RPTOR: variants seen among roughly 807,000 people sequenced by gnomAD.
RPTOR encodes the protein regulatory associated protein of MTOR complex 1.
RPTOR carries 21 observed loss-of-function variants against 169.9 expected under a neutral mutation model. The ratio of observed to expected loss-of-function variants is 0.12; its 90% CI spans 0.09 to 0.18. The LOEUF is 0.18. Among genes scored for constraint, RPTOR ranks in the 10% least tolerant of loss-of-function variants. RPTOR has a pLI of 1.00. For missense variants in RPTOR, 1,133 were observed against 1,855.9 expected (o/e 0.61, Z 7.16); for synonymous variants, 732 against 753.2 (o/e 0.97, Z 0.46).
At position 80,884,989 on chromosome 17, in the gene RPTOR, AC is replaced by A. The variant is rs753731011; in HGVS notation, c.1843-13del. 9.4e-6 allele frequency: 15 copies of A among 1,601,852 alleles called. No individual in the cohort carries two copies. In the East Asian group the frequency reaches 3.1e-4, roughly 34 times the overall value. On this transcript the variant is annotated intron_variant, in intron 16 of 33. Transcript: ENST00000306801. ...TGGCCCGGTGTGGGACATGCCTGTGACCCCCCGCCGCCTTGCAGGTCCGCTG... is the reference window on the plus strand; with the variant it reads ...TGGCCCGGTGTGGGACATGCCTGTGACCCCCGCCGCCTTGCAGGTCCGCTG...
chr17:80,563,820 G>A (rs996735158), intron 1 of RPTOR, among the ~76,000 whole-genome samples: 3 of 152,052 alleles, frequency 2.0e-5, no homozygotes, highest in African/African-American at 7.2e-5. Flanking sequence ...AAGATCCTCT[G>A]TGCCCCCAGT....
chr17:80,766,167 C>CA, intron 6 of RPTOR, among the ~76,000 whole-genome samples: 2 of 152,248 alleles, frequency 1.3e-5, no homozygotes, highest in East Asian at 3.9e-4. Context: ...GCAATCCCCC[C>CA]ACCTCAGCCC....
chr17:80,567,880 T>C (rs1871084526), intron 1 of RPTOR, among the ~76,000 whole-genome samples: 1 of 151,894 alleles, frequency 6.6e-6, no homozygotes. Context: ...ATATCTCTTA[T>C]ATTAACCCAC....
chr17:80,574,128 G>A (rs2064935871), intron 1 of RPTOR, among the ~76,000 whole-genome samples: 1 of 150,914 alleles, frequency 6.6e-6, no homozygotes, highest in South Asian at 2.1e-4. Flanking sequence ...TCTGATTTAA[G>A]CTTTTAAGAT....
Position 80,583,350 on chromosome 17 carries a change from C to A in RPTOR, c.162+37559C>A, listed in dbSNP as rs959656527. On this transcript the variant is annotated intron_variant, in intron 1 of 33. Coordinates refer to ENST00000306801, the MANE Select transcript of RPTOR (RefSeq NM_020761.3). ...GGATTACAGGTGGGCACCATCATGC[C>A]AGGCTAATTTTTCTACATTTAGTAG... Among the ~76,000 whole-genome samples the A allele has an allele frequency of 2.0e-5, 3 of 152,156 alleles. No homozygotes were observed. In the East Asian group the frequency reaches 5.8e-4, roughly 29 times the overall value.
At chr17:80,930,063 CCTCATCCCCAG>C (rs1273578457) in intron 24 of RPTOR, among the ~76,000 whole-genome samples, 11 of 107,866 alleles carry the variant, frequency 1.0e-4, no homozygotes, top group Non-Finnish European at 1.9e-4. Context: ...TTCAGCTCAT[CCTCATCCCCAG>C]CTCATCCCCA....
At chr17:80,626,413 TA>T (rs567057649) in intron 2 of RPTOR, among the ~76,000 whole-genome samples, 24 of 148,782 alleles carry the variant, frequency 1.6e-4, no homozygotes, top group African/African-American at 3.0e-4. Flanking sequence ...TATGTACACT[TA>T]AAAAAAAAAT....
At position 80,962,815 on chromosome 17, in the gene RPTOR, G is replaced by T. The variant is rs1426787043; in HGVS notation, c.3810-113G>T. 2.0e-6 allele frequency: 3 copies of T among 1,533,990 alleles called. No homozygotes were observed. In the East Asian group the frequency reaches 7.0e-5, roughly 36 times the overall value. Reference sequence around the variant, plus strand: ...GACCAGAGGGTCACACCTGCCCCGAGCCAGCCTGTCCCCGTGGTCTAGCCG... The same window carrying T: ...GACCAGAGGGTCACACCTGCCCCGATCCAGCCTGTCCCCGTGGTCTAGCCG... On this transcript the variant is annotated intron_variant, in intron 32 of 33. Coordinates refer to ENST00000306801, the MANE Select transcript of RPTOR (RefSeq NM_020761.3).
At chr17:80,956,755 G>A (rs907376801) in intron 28 of RPTOR, among the ~76,000 whole-genome samples, 8 of 152,034 alleles carry the variant, frequency 5.3e-5, no homozygotes, top group African/African-American at 7.3e-5. Flanking sequence ...CCTAACAGAC[G>A]TTCCGGGAAG....
At chr17:80,864,464 C>T (rs946386780) in intron 13 of RPTOR, among the ~76,000 whole-genome samples, 4 of 137,798 alleles carry the variant, frequency 2.9e-5, no homozygotes, top group Non-Finnish European at 6.4e-5. Flanking sequence ...ATGGAAAAGG[C>T]AGACAGCGGA....
intron 1 of RPTOR, among the ~76,000 whole-genome samples, chr17:80,560,011 G>A (rs9892100): frequency 0.44 from 67,332 of 152,132 alleles, 15,201 homozygotes; most frequent in Middle Eastern, 0.51. Flanking sequence ...GGCACTGCAC[G>A]TAGGGTGCAT....
intron 26 of RPTOR, among the ~76,000 whole-genome samples, chr17:80,946,556 A>G (rs1356467552): frequency 1.3e-5 from 2 of 152,236 alleles, no homozygotes; most frequent in Admixed American, 6.5e-5. Flanking sequence ...TAGGAGCCTC[A>G]TACCAGTGGA....
At chr17:80,635,822 GTGAA>G (rs1460911010) in intron 2 of RPTOR, among the ~76,000 whole-genome samples, 1 of 152,120 alleles carries the variant, frequency 6.6e-6, no homozygotes, top group African/African-American at 2.4e-5. Flanking sequence ...AGATGAGGTG[GTGAA>G]GCTTGTGGGG....
intron 19 of RPTOR, 109 bp from the exon 20 acceptor site, chr17:80,893,598 G>T (rs2068361282): frequency 3.5e-6 from 5 of 1,410,988 alleles, no homozygotes; most frequent in Non-Finnish European, 4.8e-6. Context: ...GTGCCTGGGT[G>T]TGCTGAGCTT....
intron 13 of RPTOR, among the ~76,000 whole-genome samples, chr17:80,876,681 G>A (rs1370991402): frequency 1.1e-4 from 14 of 129,334 alleles, no homozygotes; most frequent in Admixed American, 3.7e-4. Flanking sequence ...GTCGCCTGCC[G>A]GGTCTTCCAC....
chr17:80,893,554 G>GCGCACCAGGGTGTGTGTGTA (rs2068360401), intron 19 of RPTOR, among the ~76,000 whole-genome samples, 153 bp from the exon 20 acceptor site: 1 of 151,552 alleles, frequency 6.6e-6, no homozygotes, highest in Non-Finnish European at 1.5e-5. Flanking sequence ...CAGGGTGTGT[G>GCGCACCAGGGTGTGTGTGTA]CGCACCAGGG....
Position 80,550,571 on chromosome 17 carries a change from C to A in RPTOR, c.162+4780C>A, listed in dbSNP as rs771619956. Among the ~76,000 whole-genome samples the A allele has an allele frequency of 2.9e-4, 44 of 152,174 alleles. 1 individual carries two copies. Among genetic ancestry groups the A allele is most frequent in the Non-Finnish European group, 2.2e-4 (15 of 68,038 alleles). ...TGGCCTGAAATTTCTGTCTCAGATG[C>A]CTACTGCCTGCTTTTTCTTAGTTTT... is the stretch of plus-strand genomic sequence containing the variant. On this transcript the variant is annotated intron_variant, in intron 1 of 33. Coordinates refer to ENST00000306801, the MANE Select transcript of RPTOR (RefSeq NM_020761.3).
chr17:80,807,296 T>A (rs1413288035), intron 7 of RPTOR, among the ~76,000 whole-genome samples: 1 of 152,244 alleles, frequency 6.6e-6, no homozygotes, highest in Admixed American at 6.5e-5. Flanking sequence ...TGCCTCCTAC[T>A]TGCTTCATCC....
chr17:80,572,568 C>T, intron 1 of RPTOR, among the ~76,000 whole-genome samples: 1 of 151,776 alleles, frequency 6.6e-6, no homozygotes, highest in South Asian at 2.1e-4. Flanking sequence ...AACAAACAAA[C>T]AAAAAAAGTA....
Sources: gnomAD v4.1 joint callset for allele counts (sites outside exome capture counted in the v4.1 genomes callset) on GRCh38, gnomAD v4.1.1 for gene constraint, MANE v1.5 for transcripts, NCBI Gene and HGNC (gene_info 2026-07-23, HGNC 2026-07-21) for gene names.